The following NPHP3 variants were observed in gnomAD, a reference collection of about 807,000 sequenced individuals.
The protein encoded by NPHP3 is nephrocystin 3.
NPHP3 carries 123 observed loss-of-function variants against 171.9 expected under a neutral mutation model. The observed-to-expected ratio is 0.72, with a 90% CI of 0.62 to 0.83. The LOEUF (loss-of-function observed/expected upper bound fraction) is 0.83. Ranked by LOEUF, NPHP3 falls within the 40% of genes least tolerant of loss-of-function variation. The pLI, the probability that NPHP3 is intolerant of heterozygous loss-of-function variation, is 0.00. For synonymous variants in NPHP3, 558 were observed against 579.2 expected (o/e 0.96, Z 0.52); for missense variants, 1,506 against 1,591.9 (o/e 0.95, Z 0.92).
intron 4 of NPHP3, 47 bp from the exon 5 acceptor site, chr3:132,715,265 T>C: frequency 6.4e-7 from 1 of 1,559,638 alleles, no homozygotes; most frequent in Non-Finnish European, 8.8e-7. Flanking sequence ...CCAGAACACA[T>C]TTGATCATTC....
In NPHP3 at chr3:132,713,408, A is replaced by C. The variant is rs193005508; in HGVS notation, c.958-122T>G. ...GTTATACTGGATATCTTTTCATATA[A>C]AATTTTAAAAATAATCACATTTTAA... On this transcript the variant is annotated intron_variant, in intron 5 of 26. Coordinates refer to ENST00000337331, the MANE Select transcript of NPHP3 (RefSeq NM_153240.5). 3,259 of 512,516 alleles carry C rather than the reference A, an allele frequency of 6.4e-3. 23 individuals are homozygous for C. The highest frequency in any genetic ancestry group is 8.9e-3 in the Non-Finnish European group (2,748 of 308,974). The allele number at this position is 512,516 out of a possible 1,614,324, so 31.7% of individuals were successfully genotyped here. A position where few individuals can be genotyped will look rare whatever the true frequency, so the allele number is the denominator to read the frequency against.
Position 132,716,853 on chromosome 3 carries a change from T to C in NPHP3, c.727A>G (p.Ile243Val), listed in dbSNP as rs1560016174. The C allele has an allele frequency of 1.2e-6, 2 of 1,614,168 alleles. No homozygotes were observed. Among genetic ancestry groups the C allele is most frequent in the Non-Finnish European group, 1.7e-6 (2 of 1,179,984 alleles). ...TGCTGAAGCTGGATCATGCTTCCTA[T>C]GGAAGGTTCACTTCCCAAGGCTCCG... is the stretch of plus-strand genomic sequence containing the variant. ...TGGALGSEPS[I>V]GSMIQLQQSF... The change falls in exon 4 of 27, where the codon ATA (isoleucine) becomes GTA (valine). Residue 243 changes from isoleucine to valine, a missense_variant. This residue lies in a region of NPHP3 where 930 missense variants were observed against 924.9 expected (regional missense o/e 1.01). Coordinates refer to ENST00000337331, the MANE Select transcript of NPHP3 (RefSeq NM_153240.5).
intron 2 of NPHP3, among the ~76,000 whole-genome samples, chr3:132,719,420 C>T (rs1375618103): frequency 6.6e-6 from 1 of 152,130 alleles, no homozygotes; most frequent in Non-Finnish European, 1.5e-5. Flanking sequence ...ACCAATAATA[C>T]AACATCCCTA....
At chr3:132,719,364 T>C (rs1176063744) in intron 2 of NPHP3, among the ~76,000 whole-genome samples, 1 of 152,192 alleles carries the variant, frequency 6.6e-6, no homozygotes, top group Non-Finnish European at 1.5e-5. Context: ...GGGTCTGTCA[T>C]GTGCACTGCA....
Position 132,715,201 on chromosome 3 carries a change from C to T in NPHP3, c.841G>A (p.Val281Ile), listed in dbSNP as rs1940017293. The change falls in exon 5 of 27, where the codon GTA (valine) becomes ATA (isoleucine). Residue 281 changes from valine to isoleucine, a missense_variant. Around this residue, in one of 3 missense-constraint regions of NPHP3, gnomAD observed 930 missense variants for 924.9 expected, o/e 1.01. Transcript: ENST00000337331. The stretch of plus-strand genomic sequence containing the variant: ...GGAGTAACTTGTAATAAACTAGCTA[C>T]AGCAATATCCCAGTCATCTGAAAAT... Reference protein sequence around the residue: ...NVNRDDWDIAVASLLQVTPLF... With the variant: ...NVNRDDWDIAIASLLQVTPLF... 1 of 1,611,790 alleles carries T rather than the reference C, an allele frequency of 6.2e-7. No homozygotes were observed. The highest frequency in any genetic ancestry group is 1.1e-5 in the South Asian group (1 of 91,022).
Position 132,694,872 on chromosome 3 carries a change from G to C in NPHP3, c.2265C>G (p.Ile755Met). 3 of 1,613,668 alleles carry C rather than the reference G, an allele frequency of 1.9e-6. No individual in the cohort carries two copies. The highest frequency in any genetic ancestry group is 2.5e-6 in the Non-Finnish European group (3 of 1,179,886). The change falls in exon 16 of 27, where the codon ATC becomes ATG. Residue 755 changes from isoleucine (I) to methionine (M), a missense_variant. Physicochemically the swap from Ile to Met is conservative, Grantham distance 10. This residue lies in a region of NPHP3 where 930 missense variants were observed against 924.9 expected (regional missense o/e 1.01). Coordinates refer to ENST00000337331, the MANE Select transcript of NPHP3 (RefSeq NM_153240.5). ...LSLYRLVLHS[I>M]RESMANDVDK... ...CCACATCATTTGCCATGGACTCCCGGATAGAGTGCAGAACAAGTCTATATA... is the reference window on the plus strand; with the variant it reads ...CCACATCATTTGCCATGGACTCCCGCATAGAGTGCAGAACAAGTCTATATA...
chr3:132,697,744 T>G (rs1363965278), intron 13 of NPHP3, among the ~76,000 whole-genome samples: 2 of 152,198 alleles, frequency 1.3e-5, no homozygotes, highest in Admixed American at 1.3e-4. Context: ...ATTTAACTAT[T>G]ACAATATACA....
At chr3:132,703,933 T>C (rs1372551452) in intron 9 of NPHP3, among the ~76,000 whole-genome samples, 2 of 152,162 alleles carry the variant, frequency 1.3e-5, no homozygotes, top group East Asian at 1.9e-4. Context: ...CTGGTCTGAG[T>C]GAGTTGCAGA....
At chr3:132,716,482 C>T (rs1940054465) in intron 4 of NPHP3, among the ~76,000 whole-genome samples, 1 of 152,128 alleles carries the variant, frequency 6.6e-6, no homozygotes, top group Admixed American at 6.6e-5. Context: ...ATTAGATTTG[C>T]TGCTCAACTA....
chr3:132,694,955 C>T lies in NPHP3; in HGVS notation c.2182G>A (p.Ala728Thr). 1.2e-6 allele frequency: 2 copies of T among 1,613,838 alleles called. No homozygotes were observed. Among genetic ancestry groups the T allele is most frequent in the Non-Finnish European group, 1.7e-6 (2 of 1,179,918 alleles). ...TGAAGGATTTTATCTAAATTGCCTG[C>T]TCTCCCAGCACTGTTGGAATCGAGA... ...FGKMIARAGR[A>T]GNLDKILHQC... Residue 728 changes from alanine to threonine, a missense_variant, in exon 16 of 27, where the codon GCA becomes ACA. Transcript: ENST00000337331.
chr3:132,697,839 T>C (rs1297841878), intron 13 of NPHP3, among the ~76,000 whole-genome samples: 1 of 152,190 alleles, frequency 6.6e-6, no homozygotes. Context: ...TAGACACATA[T>C]ATCTATATAC....
In NPHP3 at chr3:132,699,410, G is replaced by A. The variant is rs760831781; in HGVS notation, c.1928C>T (p.Pro643Leu). ...KHMKWLIDPL[P>L]VNVRVIVSVN... ...AGAAACAATTACTCTTACATTCACT[G>A]GCAGTGGATCTATCAGCCATTTCAT... Residue 643 changes from proline (P) to leucine (L), a missense_variant, in exon 13 of 27, where the codon CCA (proline) becomes CTA (leucine). By Grantham distance (98) the Pro-to-Leu change is moderately conservative. Coordinates refer to ENST00000337331, the MANE Select transcript of NPHP3 (RefSeq NM_153240.5). The A allele has an allele frequency of 4.8e-5, 77 of 1,612,220 alleles. No homozygotes were observed. The highest frequency in any genetic ancestry group is 5.9e-5 in the Non-Finnish European group (70 of 1,179,764).
intron 1 of NPHP3, chr3:132,721,731 T>C (rs574078838): frequency 7.2e-6 from 5 of 697,376 alleles, no homozygotes; most frequent in South Asian, 6.0e-5. Flanking sequence ...AGCCCAGGAG[T>C]TCCAGGTTGC....
At chr3:132,697,861 T>C (rs1939496488) in intron 13 of NPHP3, among the ~76,000 whole-genome samples, 1 of 152,210 alleles carries the variant, frequency 6.6e-6, no homozygotes, top group Non-Finnish European at 1.5e-5. Flanking sequence ...CAAGCTGATA[T>C]ACAATATGTG....
intron 6 of NPHP3, among the ~76,000 whole-genome samples, chr3:132,708,988 G>A (rs1029816784): frequency 4.6e-5 from 7 of 152,108 alleles, no homozygotes; most frequent in African/African-American, 1.7e-4. Context: ...TCTCTGTTTG[G>A]ATGGCAGCCC....
Position 132,716,532 on chromosome 3 carries a change from C to T in NPHP3, c.823+225G>A, listed in dbSNP as rs547484022. ...TCAGACCATAACACAGTTACTAGAA[C>T]CTGGCTGGCCAGGTTGGCAGGAGTA... On this transcript the variant is annotated intron_variant, in intron 4 of 26. Coordinates refer to ENST00000337331, the MANE Select transcript of NPHP3 (RefSeq NM_153240.5). 5.3e-5 allele frequency among the ~76,000 whole-genome samples: 8 copies of T among 152,330 alleles called. No homozygotes were observed. The East Asian group carries it at 1.3e-3, about 26-fold the overall frequency.
chr3:132,708,674 G>A lies in NPHP3; in HGVS notation c.1119-417C>T, dbSNP rs955094247. Among the ~76,000 whole-genome samples the A allele has an allele frequency of 3.9e-5, 6 of 152,248 alleles. No homozygotes were observed. In the South Asian group the frequency reaches 6.2e-4, roughly 16 times the overall value. On this transcript the variant is annotated intron_variant, in intron 6 of 26. Coordinates refer to ENST00000337331, the MANE Select transcript of NPHP3 (RefSeq NM_153240.5). ...AACACAAGTAGGCAGGAGGTCATGC[G>A]TGGGTAGGTACACAGGCACCATCCA...
chr3:132,684,406 T>A lies in NPHP3; in HGVS notation c.3570+148A>T, dbSNP rs533561704. ...ATAAAATAATTATTTTTAAATGTTCTGCTCAGTTACTTGTTAAAAGTTAAA... is the reference window on the plus strand; with the variant it reads ...ATAAAATAATTATTTTTAAATGTTCAGCTCAGTTACTTGTTAAAAGTTAAA... On this transcript the variant is annotated intron_variant, in intron 24 of 26. Transcript: ENST00000337331. 14 of 708,206 alleles carry A rather than the reference T, an allele frequency of 2.0e-5. No homozygotes were observed. The Admixed American group carries it at 2.6e-4, about 13-fold the overall frequency. 43.9% of individuals were successfully genotyped at this position (708,206 alleles called of 1,614,324 possible). A position where few individuals can be genotyped will look rare whatever the true frequency, so the allele number is the denominator to read the frequency against.
rs1327377543 is a variant in NPHP3, at chr3:132,713,236, G to A, written c.1008C>T (p.Phe336=). ...CATCTATTGGAAAATAAACAGCATGGAAAAAATATCCCATTGTCTCGCACA... is the reference window on the plus strand; with the variant it reads ...CATCTATTGGAAAATAAACAGCATGAAAAAAATATCCCATTGTCTCGCACA... ...KRMCETMGYF[F]HAVYFPIDVE... The change falls in exon 6 of 27, where the codon TTC becomes TTT. Residue 336 remains phenylalanine (F), a synonymous_variant. Coordinates refer to ENST00000337331, the MANE Select transcript of NPHP3 (RefSeq NM_153240.5). 6.2e-7 allele frequency: 1 copy of A among 1,601,096 alleles called. No individual in the cohort carries two copies. The highest frequency in any genetic ancestry group is 8.5e-7 in the Non-Finnish European group (1 of 1,172,570).
Sources: allele counts gnomAD v4.1 joint callset (sites outside exome capture counted in the v4.1 genomes callset), GRCh38; gene constraint gnomAD v4.1.1; regional missense constraint gnomAD v4.1.1; transcripts MANE v1.5; gene names NCBI Gene and HGNC (gene_info 2026-07-23, HGNC 2026-07-21).